AOAH: variants seen among roughly 807,000 people sequenced by gnomAD.
AOAH encodes acyloxyacyl hydrolase.
Under a neutral mutation model 92.2 loss-of-function variants are expected in AOAH, and 64 were observed. The ratio of observed to expected loss-of-function variants is 0.69; its 90% CI spans 0.57 to 0.86. AOAH has a LOEUF of 0.86. AOAH is among the 40% of genes least tolerant of loss of function. The pLI is 0.00. For synonymous variants in AOAH, 263 were observed against 254.5 expected, an observed-to-expected ratio of 1.03 and a Z score of -0.32; for missense variants, 656 against 694.6, an observed-to-expected ratio of 0.94 and a Z score of 0.62.
At chr7:36,533,242 G>A (rs1322867294) in intron 16 of AOAH, among the ~76,000 whole-genome samples, 1 of 151,734 alleles carries the variant, frequency 6.6e-6, no homozygotes, top group Non-Finnish European at 1.5e-5. Context: ...CAAATCTCGG[G>A]GGTGAATGAC....
At chr7:36,594,641 T>C in intron 11 of AOAH, 1 of 617,970 alleles carries the variant, frequency 1.6e-6, no homozygotes, top group Non-Finnish European at 2.9e-6. Flanking sequence ...TGACCTGGCT[T>C]CCGCTCAGCT....
intron 12 of AOAH, among the ~76,000 whole-genome samples, chr7:36,589,011 G>T (rs1295210257): frequency 6.6e-6 from 1 of 151,824 alleles, no homozygotes; most frequent in Admixed American, 6.6e-5. Context: ...TGGTTCTTTT[G>T]GCCTTCATTG....
intron 4 of AOAH, among the ~76,000 whole-genome samples, chr7:36,649,514 G>C (rs1180001338): frequency 6.6e-6 from 1 of 152,168 alleles, no homozygotes; most frequent in Admixed American, 6.5e-5. Context: ...GTAGGAAAGA[G>C]AGCTTACTAA....
intron 4 of AOAH, among the ~76,000 whole-genome samples, chr7:36,647,985 C>T (rs976474568): frequency 2.6e-5 from 4 of 152,088 alleles, no homozygotes; most frequent in African/African-American, 9.7e-5. Context: ...TTCACGCCAT[C>T]ATGCCGGGCT....
At chr7:36,514,044 G>A (rs575664288) in intron 20 of AOAH, among the ~76,000 whole-genome samples, 20 of 152,262 alleles carry the variant, frequency 1.3e-4, no homozygotes, top group African/African-American at 2.2e-4. Context: ...AGAGATGAAC[G>A]TGGTGTGTTC....
Position 36,724,181 on chromosome 7 carries a change from C to T in AOAH, c.-33G>A. On this transcript the variant is annotated 5_prime_UTR_variant, in exon 1 of 21. Coordinates refer to ENST00000617537, the MANE Select transcript of AOAH (RefSeq NM_001637.4). ...CTATGCACCCCAAGTGATCACCCGG[C>T]TTTGGAAGCTCCCAACTGAGGGATG... 8 of 1,608,724 alleles carry T rather than the reference C, an allele frequency of 5.0e-6. No homozygotes were observed. The highest frequency in any genetic ancestry group is 5.9e-6 in the Non-Finnish European group (7 of 1,176,772).
intron 16 of AOAH, among the ~76,000 whole-genome samples, chr7:36,534,257 G>A (rs905948119): frequency 1.3e-5 from 2 of 152,170 alleles, no homozygotes; most frequent in African/African-American, 4.8e-5. Context: ...GGCCAGCACA[G>A]CTCCCAATGA....
In AOAH at chr7:36,693,102, C is replaced by T. The variant is rs984548595; in HGVS notation, c.128-6308G>A. Among the ~76,000 whole-genome samples, 3 of 152,122 alleles carry T rather than the reference C, an allele frequency of 2.0e-5. 1 individual carries two copies. The Middle Eastern group carries it at 9.5e-3, about 481-fold the overall frequency. On this transcript the variant is annotated intron_variant, in intron 1 of 20. Coordinates refer to ENST00000617537, the MANE Select transcript of AOAH (RefSeq NM_001637.4). The stretch of plus-strand genomic sequence containing the variant: ...AGGAAGGGGCTAGATTGTGAAGCAC[C>T]TTGAAGGCCATACTACAGACTATAG...
At chr7:36,686,618 G>T in intron 2 of AOAH, 81 bp downstream of exon 2, 1 of 668,568 alleles carries the variant, frequency 1.5e-6, no homozygotes, top group Non-Finnish European at 2.3e-6. Context: ...GTAAGTGTGG[G>T]CAGGAAGTAA....
At chr7:36,674,192 T>A (rs1189969544) in intron 2 of AOAH, among the ~76,000 whole-genome samples, 183 bp from the exon 3 acceptor site, 2 of 152,216 alleles carry the variant, frequency 1.3e-5, no homozygotes, top group Non-Finnish European at 2.9e-5. Flanking sequence ...TATCTCAGGT[T>A]TATGTGAATG....
intron 12 of AOAH, among the ~76,000 whole-genome samples, chr7:36,582,786 C>T (rs931794364): frequency 3.3e-5 from 5 of 151,814 alleles, no homozygotes; most frequent in African/African-American, 1.2e-4. Context: ...TGAGGTAAAC[C>T]AGATGTGATA....
intron 1 of AOAH, among the ~76,000 whole-genome samples, chr7:36,717,080 A>G (rs1327991311): frequency 1.3e-5 from 2 of 152,190 alleles, no homozygotes; most frequent in Non-Finnish European, 2.9e-5. Context: ...TTCAGTGCTA[A>G]CAAATATGGT....
At chr7:36,586,520 T>C (rs555050761) in intron 12 of AOAH, among the ~76,000 whole-genome samples, 1 of 152,302 alleles carries the variant, frequency 6.6e-6, no homozygotes, top group African/African-American at 2.4e-5. Context: ...TTCAGGGTTG[T>C]TCCTTTTCAA....
chr7:36,530,309 C>T (rs1784617337), intron 19 of AOAH, 109 bp downstream of exon 19: 4 of 729,864 alleles, frequency 5.5e-6, no homozygotes, highest in Non-Finnish European at 9.6e-6. Flanking sequence ...CAGGAGTAAC[C>T]CTGCCGAATC....
chr7:36,565,536 CTTT>C (rs200870748), intron 13 of AOAH, among the ~76,000 whole-genome samples: 6 of 144,090 alleles, frequency 4.2e-5, no homozygotes, highest in Non-Finnish European at 4.6e-5. Context: ...GTAAACATCT[CTTT>C]TTTTTTTTTT....
chr7:36,600,800 A>C (rs1051241449), intron 11 of AOAH, among the ~76,000 whole-genome samples: 2 of 152,182 alleles, frequency 1.3e-5, no homozygotes, highest in Non-Finnish European at 2.9e-5. Flanking sequence ...TTGCCTGTTT[A>C]GGGGGCAGTC....
At chr7:36,655,486 A>T (rs994221078) in intron 4 of AOAH, among the ~76,000 whole-genome samples, 1 of 152,204 alleles carries the variant, frequency 6.6e-6, no homozygotes, top group Non-Finnish European at 1.5e-5. Flanking sequence ...CTCAAGGCAG[A>T]GCCAGTCACT....
intron 12 of AOAH, among the ~76,000 whole-genome samples, chr7:36,588,973 T>G (rs1231994747): frequency 6.6e-6 from 1 of 152,222 alleles, no homozygotes; most frequent in Non-Finnish European, 1.5e-5. Context: ...TTTCTCCAGC[T>G]TGGTGTGACA....
intron 13 of AOAH, among the ~76,000 whole-genome samples, chr7:36,551,551 C>T (rs909369280): frequency 1.3e-5 from 2 of 152,224 alleles, no homozygotes; most frequent in Non-Finnish European, 2.9e-5. Flanking sequence ...TGATAGCCAC[C>T]CTCCTACTTT....
Sources: gnomAD v4.1 joint callset for allele counts (sites outside exome capture counted in the v4.1 genomes callset) on GRCh38, gnomAD v4.1.1 for gene constraint, MANE v1.5 for transcripts, NCBI Gene and HGNC (gene_info 2026-07-23, HGNC 2026-07-21) for gene names.